The following PSD3 variants were observed in gnomAD, a reference collection of about 807,000 sequenced individuals.
PSD3 encodes PH and SEC7 domain-containing protein 3.
In PSD3, 49 loss-of-function variants were observed where a neutral mutation model predicts 105.5. That is an observed-to-expected ratio of 0.46 (90% CI 0.37 to 0.59). The LOEUF is 0.59. PSD3 is among the 20% of genes least tolerant of loss of function. PSD3 has a pLI of 0.00. For synonymous variants in PSD3, 557 were observed against 457.8 expected, an observed-to-expected ratio of 1.22 and a Z score of -2.77; for missense variants, 1,561 against 1,263.8, an observed-to-expected ratio of 1.24 and a Z score of -3.57.
At position 18,850,984 on chromosome 8, in the gene PSD3, C is replaced by A. The variant is rs145795068; in HGVS notation, c.1634+16690G>T. On this transcript the variant is annotated intron_variant, in intron 4 of 15. Coordinates refer to ENST00000327040, the MANE Select transcript of PSD3 (RefSeq NM_015310.4). ...TTCAAGAACAGAGGGGACAAAAGAT[C>A]TCCACAAAAGCGAGACAAAGTGCAA... 1.4e-4 allele frequency among the ~76,000 whole-genome samples: 22 copies of A among 152,296 alleles called. 1 individual carries two copies. In the East Asian group the frequency reaches 4.2e-3, roughly 29 times the overall value.
intron 9 of PSD3, among the ~76,000 whole-genome samples, chr8:18,655,989 G>A (rs927227845): frequency 6.6e-6 from 1 of 152,178 alleles, no homozygotes. Flanking sequence ...CACTGTGCAT[G>A]CTATTTCTCA....
chr8:18,567,166 G>A (rs1801830072), intron 14 of PSD3, among the ~76,000 whole-genome samples: 1 of 151,970 alleles, frequency 6.6e-6, no homozygotes, highest in African/African-American at 2.4e-5. Flanking sequence ...CTTCTCCCCT[G>A]GATCTTTTAT....
intron 1 of PSD3, among the ~76,000 whole-genome samples, chr8:18,986,710 T>A (rs1436254008): frequency 6.6e-6 from 1 of 152,140 alleles, no homozygotes; most frequent in Non-Finnish European, 1.5e-5. Flanking sequence ...GCCCCTAAAG[T>A]ATTCTTTAAA....
At chr8:18,669,720 C>T (rs777043756) in intron 9 of PSD3, among the ~76,000 whole-genome samples, 6 of 152,106 alleles carry the variant, frequency 3.9e-5, no homozygotes, top group Admixed American at 2.0e-4. Flanking sequence ...TGTTTTTGGA[C>T]GATGTTTGAT....
At chr8:18,839,905 G>A (rs997782859) in intron 4 of PSD3, among the ~76,000 whole-genome samples, 6 of 152,124 alleles carry the variant, frequency 3.9e-5, no homozygotes, top group African/African-American at 1.4e-4. Flanking sequence ...GCAATACTTT[G>A]TGGTTATCTC....
At chr8:18,655,928 G>A (rs895130658) in intron 9 of PSD3, among the ~76,000 whole-genome samples, 1 of 152,170 alleles carries the variant, frequency 6.6e-6, no homozygotes, top group Non-Finnish European at 1.5e-5. Context: ...ATAAGGCACA[G>A]TACTGTACTA....
At chr8:18,867,227 G>T (rs1433666470) in intron 4 of PSD3, among the ~76,000 whole-genome samples, 2 of 152,202 alleles carry the variant, frequency 1.3e-5, no homozygotes, top group Non-Finnish European at 2.9e-5. Flanking sequence ...AGGGCTGGAA[G>T]AGACTTTGCT....
intron 1 of PSD3, among the ~76,000 whole-genome samples, chr8:19,054,977 C>T (rs1828659895): frequency 6.6e-6 from 1 of 152,144 alleles, no homozygotes; most frequent in South Asian, 2.1e-4. Context: ...CTGTTCACCC[C>T]TGTACAGGTA....
In PSD3 at chr8:18,796,642, CCAAAA is replaced by C. The variant is rs1475608673; in HGVS notation, c.2082+2648_2082+2652del. Among the ~76,000 whole-genome samples the C allele has an allele frequency of 2.0e-5, 3 of 152,274 alleles. No individual in the cohort carries two copies. The East Asian group carries it at 5.8e-4, about 29-fold the overall frequency. On this transcript the variant is annotated intron_variant, in intron 8 of 15. Coordinates refer to ENST00000327040, the MANE Select transcript of PSD3 (RefSeq NM_015310.4). Reference sequence around the variant, plus strand: ...TAAAGGAAAGGTTCACCAAGAGCAGCCAAAACAAGTTAATCTCCCAAGAGGGGAGT... The same window carrying C: ...TAAAGGAAAGGTTCACCAAGAGCAGCCAAGTTAATCTCCCAAGAGGGGAGT...
At chr8:18,987,209 G>A (rs997731396) in intron 1 of PSD3, among the ~76,000 whole-genome samples, 1 of 151,110 alleles carries the variant, frequency 6.6e-6, no homozygotes, top group Admixed American at 6.6e-5. Context: ...AATTTTTTGA[G>A]GTTTAGCTTA....
intron 8 of PSD3, among the ~76,000 whole-genome samples, chr8:18,791,103 T>C (rs544046379): frequency 6.6e-6 from 1 of 152,276 alleles, no homozygotes; most frequent in Non-Finnish European, 1.5e-5. Flanking sequence ...AAACATTCCA[T>C]GCTTACAGAA....
chr8:18,682,821 G>A (rs1354432370), intron 9 of PSD3, among the ~76,000 whole-genome samples: 1 of 151,980 alleles, frequency 6.6e-6, no homozygotes, highest in East Asian at 1.9e-4. Context: ...GTGGTGGGAG[G>A]GTGAAGAAAG....
Position 18,617,012 on chromosome 8 carries a change from G to C in PSD3, c.2410+15601C>G, listed in dbSNP as rs554135687. On this transcript the variant is annotated intron_variant, in intron 11 of 15. Transcript: ENST00000327040. ...AAGGTAAAAGTTTCTCTACTCCATT[G>C]AGGGTCGTGTAATCAATCTATGATT... Among the ~76,000 whole-genome samples the C allele has an allele frequency of 4.8e-4, 73 of 152,066 alleles. 1 individual carries two copies. Among genetic ancestry groups the C allele is most frequent in the Non-Finnish European group, 7.8e-4 (53 of 68,024 alleles).
chr8:18,567,764 T>C (rs1295029153), intron 14 of PSD3, among the ~76,000 whole-genome samples: 7 of 152,130 alleles, frequency 4.6e-5, no homozygotes, highest in Non-Finnish European at 1.0e-4. Flanking sequence ...AAGGCCAATG[T>C]GGTTTGTCTT....
chr8:18,767,701 C>T lies in PSD3; in HGVS notation c.2083-2163G>A, dbSNP rs185568678. On this transcript the variant is annotated intron_variant, in intron 8 of 15. Coordinates refer to ENST00000327040, the MANE Select transcript of PSD3 (RefSeq NM_015310.4). ...GGTGGAGGATGCAGTGAGCAGAGATCGTGCCACTGCACTCCAGCCTGGGAA... is the reference window on the plus strand; with the variant it reads ...GGTGGAGGATGCAGTGAGCAGAGATTGTGCCACTGCACTCCAGCCTGGGAA... Among the ~76,000 whole-genome samples the T allele has an allele frequency of 2.9e-3, 441 of 151,534 alleles. 3 individuals are homozygous for T. Among genetic ancestry groups the T allele is most frequent in the African/African-American group, 0.01 (432 of 41,288 alleles).
At chr8:18,908,339 T>C (rs1819978032) in intron 2 of PSD3, among the ~76,000 whole-genome samples, 1 of 152,192 alleles carries the variant, frequency 6.6e-6, no homozygotes, top group South Asian at 2.1e-4. Flanking sequence ...CATGATCATA[T>C]CTTAATTTAC....
intron 1 of PSD3, among the ~76,000 whole-genome samples, chr8:18,937,018 C>T (rs138218157): frequency 4.6e-4 from 70 of 152,232 alleles, no homozygotes; most frequent in Admixed American, 3.1e-3. Flanking sequence ...GTCCCAGGGT[C>T]CTGTGTAACT....
At chr8:18,891,426 G>A (rs1050044985) in intron 2 of PSD3, among the ~76,000 whole-genome samples, 6 of 151,658 alleles carry the variant, frequency 4.0e-5, no homozygotes, top group East Asian at 1.9e-4. Context: ...TCTTTGCTAC[G>A]ACTACAGTCT....
intron 9 of PSD3, among the ~76,000 whole-genome samples, chr8:18,667,962 G>A (rs974716244): frequency 2.6e-5 from 4 of 152,222 alleles, no homozygotes; most frequent in East Asian, 3.9e-4. Flanking sequence ...CAGCGGCACC[G>A]GCCGGCCGCT....
Sources: allele counts gnomAD v4.1 joint callset (sites outside exome capture counted in the v4.1 genomes callset), GRCh38; gene constraint gnomAD v4.1.1; transcripts MANE v1.5; gene names NCBI Gene and HGNC (gene_info 2026-07-23, HGNC 2026-07-21).